The following FAH variants were observed in gnomAD, a reference collection of about 807,000 sequenced individuals.
The protein encoded by FAH is fumarylacetoacetase.
FAH carries 47 observed loss-of-function variants against 55.8 expected under a neutral mutation model. The ratio of observed to expected loss-of-function variants is 0.84; its 90% CI spans 0.67 to 1.07. FAH has a LOEUF of 1.07. FAH is among the 50% of genes least tolerant of loss of function. The pLI, the probability that FAH is intolerant of heterozygous loss-of-function variation, is 0.00. For missense variants in FAH, 495 were observed against 545.9 expected, an observed-to-expected ratio of 0.91 and a Z score of 0.93; for synonymous variants, 199 against 207.7, an observed-to-expected ratio of 0.96 and a Z score of 0.36.
chr15:80,176,634 A>G (rs2041286688), intron 10 of FAH, among the ~76,000 whole-genome samples: 1 of 152,222 alleles, frequency 6.6e-6, no homozygotes, highest in African/African-American at 2.4e-5. Context: ...GCTGGGACTC[A>G]ATCCAAGTGT....
Position 80,158,168 on chromosome 15 carries a change from CA to C in FAH, c.191del (p.Gln64ArgfsTer28), listed in dbSNP as rs2142090831. The C allele has an allele frequency of 1.2e-6, 2 of 1,606,604 alleles. No individual in the cohort carries two copies. The highest frequency in any genetic ancestry group is 1.7e-4 in the Middle Eastern group (1 of 6,050). ...VLSKHQDVFN[Q>X]PTLNSFMGLG... Reference sequence around the variant, plus strand: ...CTCCAAACACCAGGATGTCTTCAATCAGGTAGGACATTGTGAAACGACTTGT... The same window carrying C: ...CTCCAAACACCAGGATGTCTTCAATCGGTAGGACATTGTGAAACGACTTGT... On this transcript the variant is annotated frameshift_variant and splice_region_variant, in exon 2 of 14. Coordinates refer to ENST00000561421, the MANE Select transcript of FAH (RefSeq NM_000137.4). LOFTEE classifies it high-confidence loss of function.
At position 80,175,159 on chromosome 15, in the gene FAH, A is replaced by G. The variant is rs2041272374; in HGVS notation, c.913+68A>G. The G allele has an allele frequency of 2.1e-6, 3 of 1,447,162 alleles. No individual in the cohort carries two copies. In the Admixed American group the frequency reaches 5.0e-5, roughly 24 times the overall value. 89.6% of individuals were successfully genotyped at this position (1,447,162 alleles called of 1,614,324 possible). A position where few individuals can be genotyped will look rare whatever the true frequency, so the allele number is the denominator to read the frequency against. The stretch of plus-strand genomic sequence containing the variant: ...ATGTGTGCCTGTGTGCCTTGTCCTG[A>G]AGGCTCCTGAGCTTTGGCAAGGGTG... On this transcript the variant is annotated intron_variant, in intron 10 of 13. Coordinates refer to ENST00000561421, the MANE Select transcript of FAH (RefSeq NM_000137.4).
intron 10 of FAH, 71 bp downstream of exon 10, chr15:80,175,162 G>A (rs994150543): frequency 1.7e-5 from 24 of 1,429,520 alleles, no homozygotes; most frequent in South Asian, 2.3e-5. Context: ...TGTCCTGAAG[G>A]CTCCTGAGCT....
rs539625836 is a variant in FAH at position 80,172,332 on chromosome 15, G to T, written c.706+84G>T. The stretch of plus-strand genomic sequence containing the variant: ...CAATTTCATAGAAGCTGAAGATCTG[G>T]TGCAGGTCAAAAGTGGCAGGTGATG... On this transcript the variant is annotated intron_variant, in intron 8 of 13. Coordinates refer to ENST00000561421, the MANE Select transcript of FAH (RefSeq NM_000137.4). 9.5e-5 allele frequency: 97 copies of T among 1,022,136 alleles called. No individual in the cohort carries two copies. In the South Asian group the frequency reaches 1.2e-3, roughly 12 times the overall value. 63.3% of individuals were successfully genotyped at this position (1,022,136 alleles called of 1,614,324 possible).
At position 80,173,264 on chromosome 15, in the gene FAH, C is replaced by T. The variant is rs183545173; in HGVS notation, c.837+120C>T. 5,504 of 1,338,434 alleles carry T rather than the reference C, an allele frequency of 4.1e-3. 18 individuals are homozygous for T. The highest frequency in any genetic ancestry group is 4.7e-3 in the Non-Finnish European group (4,397 of 937,732). The allele number at this position is 1,338,434 out of a possible 1,614,324, so 82.9% of individuals were successfully genotyped here. On this transcript the variant is annotated intron_variant, in intron 9 of 13. Transcript: ENST00000561421. ...CAGGAGGGAAGCTCTGTGCCCACGGCATGCCCACAGCAGAGTGCCTGGGAG... is the reference window on the plus strand; with the variant it reads ...CAGGAGGGAAGCTCTGTGCCCACGGTATGCCCACAGCAGAGTGCCTGGGAG...
intron 5 of FAH, 125 bp from the exon 6 acceptor site, chr15:80,167,927 C>T: frequency 2.7e-6 from 2 of 744,596 alleles, no homozygotes; most frequent in Non-Finnish European, 2.4e-6. Flanking sequence ...AACTTGTAAG[C>T]ACCTGTTGAT....
chr15:80,155,664 C>T (rs534969678), intron 1 of FAH, among the ~76,000 whole-genome samples: 1 of 151,958 alleles, frequency 6.6e-6, no homozygotes, highest in African/African-American at 2.4e-5. Flanking sequence ...GACACAGAGA[C>T]CGGTAGTGGC....
intron 13 of FAH, 47 bp downstream of exon 13, chr15:80,181,206 T>C (rs143241619): frequency 2.3e-4 from 317 of 1,351,164 alleles, no homozygotes; most frequent in African/African-American, 2.0e-3. Context: ...TTGCCCGCCA[T>C]GCACTGTTCT....
At chr15:80,184,513 G>A (rs1311014971) in intron 13 of FAH, among the ~76,000 whole-genome samples, 1 of 152,028 alleles carries the variant, frequency 6.6e-6, no homozygotes, top group Non-Finnish European at 1.5e-5. Flanking sequence ...GCAGTTCCGA[G>A]TTAGTTGTTT....
chr15:80,182,626 T>A (rs2041340527), intron 13 of FAH, among the ~76,000 whole-genome samples: 1 of 152,234 alleles, frequency 6.6e-6, no homozygotes, highest in Non-Finnish European at 1.5e-5. Context: ...CTTATTTCAT[T>A]TTCTACTCAC....
Position 80,177,548 on chromosome 15 carries a change from A to G in FAH, c.925A>G (p.Ser309Gly). Residue 309 changes from serine to glycine, a missense_variant, in exon 11 of 14, where the codon AGC (serine) becomes GGC (glycine). Ser to Gly is a moderately conservative substitution (Grantham distance 56, BLOSUM62 0). Transcript: ENST00000561421. ...TTTCTTTCCAACAGGAGAAGGAATG[A>G]GCCAGGCGGCTACCATATGCAAGTC... ...LSVNLKGEGM[S>G]QAATICKSNF... 2 of 1,614,084 alleles carry G rather than the reference A, an allele frequency of 1.2e-6. No homozygotes were observed. The highest frequency in any genetic ancestry group is 1.7e-6 in the Non-Finnish European group (2 of 1,179,890).
chr15:80,171,182 G>A (rs1424473581), intron 7 of FAH, among the ~76,000 whole-genome samples: 2 of 151,870 alleles, frequency 1.3e-5, no homozygotes, highest in East Asian at 1.9e-4. Flanking sequence ...CCATGTTGGC[G>A]TGCTGCACCC....
intron 7 of FAH, 34 bp from the exon 8 acceptor site, chr15:80,172,115 G>C: frequency 6.6e-7 from 1 of 1,510,226 alleles, no homozygotes; most frequent in Non-Finnish European, 9.2e-7. Flanking sequence ...CGGCAGATCA[G>C]CTCCAGATTC....
chr15:80,180,724 G>A (rs993547510), intron 12 of FAH, among the ~76,000 whole-genome samples: 3 of 152,134 alleles, frequency 2.0e-5, no homozygotes, highest in African/African-American at 4.8e-5. Flanking sequence ...TAAGCATCAC[G>A]ATATCTGGGC....
At chr15:80,153,788 G>T (rs1027748884) in intron 1 of FAH, among the ~76,000 whole-genome samples, 1 of 152,138 alleles carries the variant, frequency 6.6e-6, no homozygotes, top group Admixed American at 6.5e-5. Flanking sequence ...TTGAAAACTG[G>T]GGGTTTATCA....
At chr15:80,159,908 G>A in intron 3 of FAH, 31 bp downstream of exon 3, 1 of 1,612,062 alleles carries the variant, frequency 6.2e-7, no homozygotes, top group Non-Finnish European at 8.5e-7. Context: ...GGGGGGATGA[G>A]GGGATGCAGC....
intron 11 of FAH, among the ~76,000 whole-genome samples, chr15:80,179,689 C>T (rs924992123): frequency 3.3e-5 from 5 of 152,082 alleles, no homozygotes; most frequent in African/African-American, 1.2e-4. Context: ...AGAATGGGAG[C>T]GAGGGCTTTG....
Position 80,162,669 on chromosome 15 carries a change from G to C in FAH, c.455+333G>C, listed in dbSNP as rs117596369. 23 of 390,704 alleles carry C rather than the reference G, an allele frequency of 5.9e-5. No individual in the cohort carries two copies. In the East Asian group the frequency reaches 1.4e-3, roughly 23 times the overall value. The allele number at this position is 390,704 out of a possible 1,614,324, so 24.2% of individuals were successfully genotyped here. On this transcript the variant is annotated intron_variant, in intron 5 of 13. Transcript: ENST00000561421. ...ATGGGCAAGTCTTAGACTCTAGCATGCTCCATACTTACATTTTCTGATGAA... is the reference window on the plus strand; with the variant it reads ...ATGGGCAAGTCTTAGACTCTAGCATCCTCCATACTTACATTTTCTGATGAA...
chr15:80,180,011 C>T (rs1464532568), intron 11 of FAH, 113 bp from the exon 12 acceptor site: 7 of 779,560 alleles, frequency 9.0e-6, no homozygotes, highest in Admixed American at 2.0e-5. Flanking sequence ...AGCTGGGGAC[C>T]GGGGAAAGGC....
Sources: gnomAD v4.1 joint callset for allele counts (sites outside exome capture counted in the v4.1 genomes callset) on GRCh38, gnomAD v4.1.1 for gene constraint, MANE v1.5 for transcripts, NCBI Gene and HGNC (gene_info 2026-07-23, HGNC 2026-07-21) for gene names.